ANOS1: variants seen among roughly 807,000 people sequenced by gnomAD.
ANOS1 encodes anosmin-1.
ANOS1 carries 6 observed loss-of-function variants against 59.0 expected under a neutral mutation model. That is an observed-to-expected ratio of 0.10 (90% CI 0.06 to 0.20). The LOEUF (loss-of-function observed/expected upper bound fraction) is 0.20, where lower values mean the gene tolerates loss of function less well. ANOS1 is among the 10% of genes least tolerant of loss of function. The pLI, the probability that ANOS1 is intolerant of heterozygous loss-of-function variation, is 1.00. For synonymous variants in ANOS1, 217 were observed against 223.4 expected, an observed-to-expected ratio of 0.97 and a Z score of 0.25; for missense variants, 433 against 542.3, an observed-to-expected ratio of 0.80 and a Z score of 2.00.
chrX:8,721,514 T>C (rs942792940), intron 1 of ANOS1, among the ~76,000 whole-genome samples: 2 of 112,202 alleles, frequency 1.8e-5, no homozygotes, highest in Admixed American at 1.9e-4. Context: ...CAATGCTAAA[T>C]GCCTTCTGTC....
At chrX:8,619,651 A>T (rs1931254643) in intron 3 of ANOS1, among the ~76,000 whole-genome samples, 1 of 112,308 alleles carries the variant, frequency 8.9e-6, no homozygotes, top group South Asian at 3.7e-4. Context: ...CTCTGACATT[A>T]GCCTAAAAGT....
At chrX:8,700,400 C>A (rs1406746768) in intron 1 of ANOS1, among the ~76,000 whole-genome samples, 1 of 110,689 alleles carries the variant, frequency 9.0e-6, no homozygotes, top group African/African-American at 3.3e-5. Context: ...ACTTTTAAGC[C>A]ATCAGATCTT....
chrX:8,667,814 G>C (rs924775684), intron 2 of ANOS1, among the ~76,000 whole-genome samples: 2 of 111,283 alleles, frequency 1.8e-5, no homozygotes, highest in Non-Finnish European at 3.8e-5. Flanking sequence ...GCCTGGCCGA[G>C]AAGGGTAAGA....
chrX:8,679,664 T>C, intron 2 of ANOS1, among the ~76,000 whole-genome samples: 1 of 110,925 alleles, frequency 9.0e-6, no homozygotes, highest in Non-Finnish European at 1.9e-5. Flanking sequence ...AAGTTGTTAT[T>C]TCATGAGTAT....
intron 1 of ANOS1, among the ~76,000 whole-genome samples, chrX:8,706,973 C>T (rs1932783562): frequency 9.0e-6 from 1 of 111,715 alleles, no homozygotes; most frequent in Admixed American, 9.6e-5. Context: ...GAAAATGCGA[C>T]TTCAACCAGG....
At chrX:8,570,411 G>C in intron 7 of ANOS1, 88 bp downstream of exon 7, 1 of 772,910 alleles carries the variant, frequency 1.3e-6, no homozygotes, top group Non-Finnish European at 2.0e-6. Context: ...GCATCTCTCA[G>C]TTTAGCAGAG....
At chrX:8,646,848 A>G (rs1185223469) in intron 2 of ANOS1, among the ~76,000 whole-genome samples, 1 of 106,246 alleles carries the variant, frequency 9.4e-6, no homozygotes, top group Non-Finnish European at 1.9e-5. Context: ...CAGGAGGATT[A>G]CTTGAACCCA....
At chrX:8,600,144 G>A (rs1237458009) in intron 3 of ANOS1, among the ~76,000 whole-genome samples, 1 of 111,871 alleles carries the variant, frequency 8.9e-6, no homozygotes, top group African/African-American at 3.3e-5. Flanking sequence ...AGAGTTGACG[G>A]CAAATGTTAT....
intron 8 of ANOS1, among the ~76,000 whole-genome samples, chrX:8,562,522 C>T (rs1383056127): frequency 2.7e-5 from 3 of 111,554 alleles, no homozygotes; most frequent in East Asian, 5.6e-4. Context: ...GATTTACACT[C>T]GATAGTCATA....
chrX:8,713,982 G>C (rs184472692), intron 1 of ANOS1, among the ~76,000 whole-genome samples: 22 of 111,967 alleles, frequency 2.0e-4, no homozygotes, highest in Non-Finnish European at 3.2e-4. Flanking sequence ...AGCTCTTACA[G>C]GTATCTTATT....
intron 8 of ANOS1, among the ~76,000 whole-genome samples, chrX:8,557,849 C>G (rs1043657941): frequency 3.6e-5 from 4 of 111,972 alleles, no homozygotes; most frequent in African/African-American, 1.3e-4. Flanking sequence ...GATTTTAAAT[C>G]ATTCTACTAT....
intron 8 of ANOS1, among the ~76,000 whole-genome samples, chrX:8,562,306 C>G (rs2146801696): frequency 9.0e-6 from 1 of 111,563 alleles, no homozygotes; most frequent in South Asian, 3.7e-4. Flanking sequence ...AAGATTGAAC[C>G]ATTGTTGCTT....
In ANOS1 at chrX:8,649,677, T is replaced by C. The variant is rs146294412; in HGVS notation, c.256-26007A>G. The stretch of plus-strand genomic sequence containing the variant: ...AATTGCATCAACCTGAGTCTTAACA[T>C]GTCCAAGTTCCCCAATTTAAAATTT... On this transcript the variant is annotated intron_variant, in intron 2 of 13. Coordinates refer to ENST00000262648, the MANE Select transcript of ANOS1 (RefSeq NM_000216.4). Among the ~76,000 whole-genome samples, 53 of 112,692 alleles carry C rather than the reference T, an allele frequency of 4.7e-4. 1 individual carries two copies. In the East Asian group the frequency reaches 0.014, roughly 29 times the overall value.
chrX:8,731,475 T>A (rs1262937795), intron 1 of ANOS1, among the ~76,000 whole-genome samples: 1 of 107,687 alleles, frequency 9.3e-6, no homozygotes, highest in Non-Finnish European at 1.9e-5. Flanking sequence ...TTTGCGGGAG[T>A]CGCCGCCCGC....
intron 2 of ANOS1, among the ~76,000 whole-genome samples, chrX:8,688,037 C>T (rs1052622230): frequency 1.8e-5 from 2 of 112,284 alleles, no homozygotes; most frequent in African/African-American, 6.5e-5. Flanking sequence ...GACAAGTAGA[C>T]TTGAACCTCA....
chrX:8,656,088 A>G (rs781252051), intron 2 of ANOS1, among the ~76,000 whole-genome samples: 52 of 112,448 alleles, frequency 4.6e-4, no homozygotes, highest in Admixed American at 4.6e-3. Context: ...AATGGAGCTA[A>G]GGAATCAGAA....
At chrX:8,588,957 T>C (rs953661175) in intron 4 of ANOS1, among the ~76,000 whole-genome samples, 2 of 112,700 alleles carry the variant, frequency 1.8e-5, no homozygotes, top group African/African-American at 3.2e-5. Context: ...GCTGAAAGCA[T>C]TGAAAACTCA....
intron 2 of ANOS1, among the ~76,000 whole-genome samples, chrX:8,662,157 T>C (rs375118692): frequency 1.5e-3 from 165 of 111,690 alleles, no homozygotes; most frequent in African/African-American, 5.2e-3. Flanking sequence ...CTCCCAGCTC[T>C]GCTCTTAATG....
chrX:8,694,529 C>T (rs1458672614), intron 2 of ANOS1, among the ~76,000 whole-genome samples: 1 of 111,583 alleles, frequency 9.0e-6, no homozygotes, highest in Non-Finnish European at 1.9e-5. Context: ...ATTAGCCAGG[C>T]ATGGTGGGGG....
Sources: allele counts gnomAD v4.1 joint callset (sites outside exome capture counted in the v4.1 genomes callset), GRCh38; gene constraint gnomAD v4.1.1; transcripts MANE v1.5; gene names NCBI Gene and HGNC (gene_info 2026-07-23, HGNC 2026-07-21).